The following DLGAP2 variants were observed in gnomAD, a reference collection of about 807,000 sequenced individuals.
DLGAP2 encodes the protein DLG associated protein 2, also known as disks large-associated protein 2.
Under a neutral mutation model 100.3 loss-of-function variants are expected in DLGAP2, and 26 were observed. The observed-to-expected ratio is 0.26, with a 90% CI of 0.19 to 0.36. DLGAP2 has a LOEUF of 0.36. Ranked by LOEUF, DLGAP2 falls within the 10% of genes least tolerant of loss-of-function variation. The probability of loss-of-function intolerance (pLI) is 1.00; values close to 1 mark genes in which losing one functional copy is unlikely to be tolerated. For missense variants in DLGAP2, 1,858 were observed against 1,453.2 expected (o/e 1.28, Z -4.53); for synonymous variants, 886 against 630.1 (o/e 1.41, Z -6.08).
At chr8:983,389 G>A (rs1204828586) in intron 2 of DLGAP2, among the ~76,000 whole-genome samples, 2 of 151,030 alleles carry the variant, frequency 1.3e-5, no homozygotes, top group African/African-American at 2.4e-5. Flanking sequence ...GAAGGTACAG[G>A]TCGTCGAGAT....
chr8:761,604 C>T (rs537356653), intron 1 of DLGAP2, among the ~76,000 whole-genome samples: 1 of 152,352 alleles, frequency 6.6e-6, no homozygotes, highest in African/African-American at 2.4e-5. Flanking sequence ...GGGTCCCCTC[C>T]ATGCACCCTT....
chr8:942,443 T>C (rs138168048), intron 2 of DLGAP2, among the ~76,000 whole-genome samples: 172 of 152,320 alleles, frequency 1.1e-3, no homozygotes, highest in African/African-American at 3.8e-3. Context: ...CCACCTGGGA[T>C]GTACTTTTCC....
intron 6 of DLGAP2, among the ~76,000 whole-genome samples, chr8:1,590,353 C>G (rs931985399): frequency 6.6e-6 from 1 of 152,138 alleles, no homozygotes; most frequent in Admixed American, 6.5e-5. Flanking sequence ...AAATGGCACC[C>G]CTCTATCTTG....
chr8:1,545,968 A>G (rs1026991161), intron 4 of DLGAP2, among the ~76,000 whole-genome samples: 1 of 152,236 alleles, frequency 6.6e-6, no homozygotes, highest in Non-Finnish European at 1.5e-5. Flanking sequence ...TGGAAAAACA[A>G]AGCAAAAGAT....
intron 7 of DLGAP2, among the ~76,000 whole-genome samples, chr8:1,627,718 C>A (rs1236655792): frequency 6.6e-6 from 1 of 152,132 alleles, no homozygotes; most frequent in African/African-American, 2.4e-5. Flanking sequence ...CTCTGACTTA[C>A]TGTGGAGTAG....
At chr8:1,295,538 C>T (rs113256002) in intron 3 of DLGAP2, among the ~76,000 whole-genome samples, 1 of 152,188 alleles carries the variant, frequency 6.6e-6, no homozygotes, top group Non-Finnish European at 1.5e-5. Context: ...CCTGCCCCAC[C>T]GAAGTGGAAG....
chr8:1,052,387 G>T (rs1802744648), intron 2 of DLGAP2, among the ~76,000 whole-genome samples: 1 of 152,184 alleles, frequency 6.6e-6, no homozygotes, highest in Non-Finnish European at 1.5e-5. Flanking sequence ...GCAGTAAAAA[G>T]GAAATAATTT....
rs370318320 is a variant in DLGAP2 at position 1,207,142 on chromosome 8, G to A, written c.74-51709G>A. On this transcript the variant is annotated intron_variant, in intron 2 of 14. Transcript: ENST00000637795. ...GGGAACAGGTGGTGTTTGGTTATATGGATAAGTGACTGAGTGGTGATTTCT... is the reference window on the plus strand; with the variant it reads ...GGGAACAGGTGGTGTTTGGTTATATAGATAAGTGACTGAGTGGTGATTTCT... Among the ~76,000 whole-genome samples, 45 of 152,280 alleles carry A rather than the reference G, an allele frequency of 3.0e-4. No homozygotes were observed. In the East Asian group the frequency reaches 4.3e-3, roughly 14 times the overall value.
chr8:1,271,466 T>A (rs1362452580), intron 3 of DLGAP2, among the ~76,000 whole-genome samples: 1 of 152,212 alleles, frequency 6.6e-6, no homozygotes, highest in Admixed American at 6.5e-5. Context: ...ACTTCATGTG[T>A]CTTGCCCCAA....
At position 973,025 on chromosome 8, in the gene DLGAP2, C is replaced by T. The variant is rs915141724; in HGVS notation, c.73+65059C>T. Among the ~76,000 whole-genome samples the T allele has an allele frequency of 5.3e-5, 8 of 152,272 alleles. 1 individual carries two copies. The highest frequency in any genetic ancestry group is 1.9e-4 in the African/African-American group (8 of 41,470). On this transcript the variant is annotated intron_variant, in intron 2 of 14. Transcript: ENST00000637795. ...TCCCCTATGTCTACTTCTTTCTACA[C>T]AGACACAGCATCAATCTGATTTCTC...
At chr8:997,937 TAC>T (rs765127730) in intron 2 of DLGAP2, among the ~76,000 whole-genome samples, 14 of 151,606 alleles carry the variant, frequency 9.2e-5, no homozygotes, top group Non-Finnish European at 1.9e-4. Context: ...CACCCATGCA[TAC>T]AGACAAACAC....
Position 1,668,343 on chromosome 8 carries a change from A to G in DLGAP2, c.1825A>G (p.Asn609Asp), listed in dbSNP as rs1459723790. ...IRSTAAVSYT[N>D]YKKTPPPVPP... ...TTTTCTTACAGCTGTCTCATATACAAATTACAAGAAAACGCCCCCACCGGT... is the reference window on the plus strand; with the variant it reads ...TTTTCTTACAGCTGTCTCATATACAGATTACAAGAAAACGCCCCCACCGGT... Residue 609 changes from asparagine (N) to aspartate (D), a missense_variant, in exon 9 of 15, where the codon AAT (asparagine) becomes GAT (aspartate). Asn to Asp is a conservative substitution (Grantham distance 23). Transcript: ENST00000637795. The G allele has an allele frequency of 2.6e-6, 4 of 1,515,048 alleles. No individual in the cohort carries two copies. The highest frequency in any genetic ancestry group is 2.6e-6 in the Non-Finnish European group (3 of 1,134,906). The allele number at this position is 1,515,048 out of a possible 1,614,324, so 93.9% of individuals were successfully genotyped here.
At chr8:1,029,750 A>G (rs367562589) in intron 2 of DLGAP2, among the ~76,000 whole-genome samples, 126 of 152,222 alleles carry the variant, frequency 8.3e-4, no homozygotes, top group African/African-American at 2.8e-3. Flanking sequence ...CAGGGGATGG[A>G]AAGTCAAAGG....
chr8:1,563,301 G>A lies in DLGAP2; in HGVS notation c.1231-2382G>A, dbSNP rs1164447034. 1.0e-3 allele frequency among the ~76,000 whole-genome samples: 52 copies of A among 50,752 alleles called. 5 individuals are homozygous for A. The highest frequency in any genetic ancestry group is 4.3e-3 in the African/African-American group (48 of 11,132). The allele number at this position is 50,752 out of a possible 152,430, so 33.3% of individuals were successfully genotyped here. ...CCTCGTTGCTGGGGGACTGTGTGGT[G>A]TTGGGGTGTCCGTGCCTCGTTACTG... On this transcript the variant is annotated intron_variant, in intron 5 of 14. Transcript: ENST00000637795.
At chr8:1,456,652 G>GA (rs200328350) in intron 3 of DLGAP2, among the ~76,000 whole-genome samples, 2 of 152,128 alleles carry the variant, frequency 1.3e-5, no homozygotes, top group African/African-American at 4.8e-5. Flanking sequence ...TGCATCATTA[G>GA]AAAAATAAAA....
At chr8:807,048 C>A (rs1406414869) in intron 1 of DLGAP2, among the ~76,000 whole-genome samples, 2 of 152,180 alleles carry the variant, frequency 1.3e-5, no homozygotes, top group Admixed American at 1.3e-4. Context: ...TAATTCTTGA[C>A]TGAAAGACTT....
At chr8:997,867 A>C (rs1335445378) in intron 2 of DLGAP2, among the ~76,000 whole-genome samples, 4 of 106,982 alleles carry the variant, frequency 3.7e-5, no homozygotes, top group South Asian at 2.8e-4. Context: ...CATACACACA[A>C]ACACACATAC....
intron 3 of DLGAP2, among the ~76,000 whole-genome samples, chr8:1,321,415 G>C (rs1271297058): frequency 6.6e-6 from 1 of 151,930 alleles, no homozygotes; most frequent in African/African-American, 2.4e-5. Flanking sequence ...ATGCATCCAT[G>C]TGTCTGTGTG....
intron 3 of DLGAP2, among the ~76,000 whole-genome samples, chr8:1,458,695 C>G (rs561367700): frequency 6.6e-6 from 1 of 152,222 alleles, no homozygotes; most frequent in Non-Finnish European, 1.5e-5. Context: ...CTCAGAGCAG[C>G]CTTCCCTGGG....
Sources: gnomAD v4.1 joint callset for allele counts (sites outside exome capture counted in the v4.1 genomes callset) on GRCh38, gnomAD v4.1.1 for gene constraint, MANE v1.5 for transcripts, NCBI Gene and HGNC (gene_info 2026-07-23, HGNC 2026-07-21) for gene names.